The following BMAL1 variants were observed in gnomAD, a reference collection of about 807,000 sequenced individuals.
BMAL1 encodes basic helix-loop-helix ARNT-like protein 1.
chr11:13,294,584 A>G, the BMAL1 span, among the ~76,000 whole-genome samples: 1 of 152,238 alleles, frequency 6.6e-6, no homozygotes, highest in Non-Finnish European at 1.5e-5. Flanking sequence ...GGAACTTGTT[A>G]TAAAGATGAT....
the BMAL1 span, among the ~76,000 whole-genome samples, chr11:13,361,920 C>G: frequency 5.3e-5 from 8 of 152,176 alleles, no homozygotes; most frequent in African/African-American, 1.9e-4. Flanking sequence ...AAGGATACAC[C>G]TTCCTGAAAA....
At chr11:13,381,249 A>G in the BMAL1 span, 1 of 1,613,994 alleles carries the variant, frequency 6.2e-7, no homozygotes, top group Non-Finnish European at 8.5e-7. Context: ...TCCAGGAGGC[A>G]AGAAGGTAAG....
the BMAL1 span, chr11:13,369,515 A>C: frequency 2.2e-6 from 3 of 1,372,402 alleles, no homozygotes; most frequent in Non-Finnish European, 3.1e-6. Flanking sequence ...CATCATTATA[A>C]AACAGTGAGG....
At chr11:13,348,818 G>C in the BMAL1 span, among the ~76,000 whole-genome samples, 4 of 152,204 alleles carry the variant, frequency 2.6e-5, no homozygotes, top group African/African-American at 7.2e-5. Context: ...TGGGAGGCTG[G>C]AAGCAGTTGT....
At chr11:13,325,657 T>TGTGTGTG in the BMAL1 span, among the ~76,000 whole-genome samples, 1 of 134,412 alleles carries the variant, frequency 7.4e-6, no homozygotes, top group East Asian at 2.2e-4. Context: ...TTGAGACCTT[T>TGTGTGTG]TGTGTGTGTG....
chr11:13,371,850 C>T, the BMAL1 span, among the ~76,000 whole-genome samples: 1 of 152,184 alleles, frequency 6.6e-6, no homozygotes, highest in African/African-American at 2.4e-5. Flanking sequence ...CACTGCTCAT[C>T]CTTCTTGATC....
At chr11:13,284,248 A>ATGTGTGTG in the BMAL1 span, among the ~76,000 whole-genome samples, 3 of 23,714 alleles carry the variant, frequency 1.3e-4, no homozygotes, top group African/African-American at 5.9e-4. Context: ...ATATATATAT[A>ATGTGTGTG]TATATATATA....
At chr11:13,369,851 A>G in the BMAL1 span, 1 of 1,531,068 alleles carries the variant, frequency 6.5e-7, no homozygotes, top group South Asian at 1.3e-5. Flanking sequence ...CGTTGGTTCC[A>G]TGGTTTCTGG....
chr11:13,324,868 G>A, the BMAL1 span, among the ~76,000 whole-genome samples: 1 of 152,206 alleles, frequency 6.6e-6, no homozygotes, highest in Non-Finnish European at 1.5e-5. Flanking sequence ...TCTTTCAGGA[G>A]GTGAGTGACG....
the BMAL1 span, among the ~76,000 whole-genome samples, chr11:13,279,878 A>G: frequency 6.6e-6 from 1 of 152,160 alleles, no homozygotes; most frequent in Non-Finnish European, 1.5e-5. Flanking sequence ...TCTTTATTCA[A>G]CCCTCTGAAG....
At chr11:13,320,085 T>G in the BMAL1 span, among the ~76,000 whole-genome samples, 2 of 152,236 alleles carry the variant, frequency 1.3e-5, no homozygotes, top group African/African-American at 4.8e-5. Context: ...GTTTGAAACC[T>G]TAGCATTTGG....
At chr11:13,377,332 A>C in the BMAL1 span, among the ~76,000 whole-genome samples, 6 of 152,172 alleles carry the variant, frequency 3.9e-5, no homozygotes, top group Admixed American at 2.0e-4. Flanking sequence ...CCTGAAATTC[A>C]GAATATCCCA....
At chr11:13,375,646 C>T in the BMAL1 span, 1 of 1,588,084 alleles carries the variant, frequency 6.3e-7, no homozygotes, top group Admixed American at 1.9e-5. Context: ...CAACTAATTG[C>T]TATAAATTTA....
At chr11:13,354,514 T>C in the BMAL1 span, 11 of 1,568,442 alleles carry the variant, frequency 7.0e-6, no homozygotes, top group Non-Finnish European at 9.5e-6. Flanking sequence ...ATGGAACATC[T>C]AGCAGCCAGC....
the BMAL1 span, among the ~76,000 whole-genome samples, chr11:13,348,866 G>A: frequency 7.9e-4 from 120 of 152,308 alleles, no homozygotes; most frequent in Non-Finnish European, 1.5e-3. Context: ...TATAGCGATC[G>A]AGGCAAAGAT....
the BMAL1 span, among the ~76,000 whole-genome samples, chr11:13,361,376 C>T: frequency 6.6e-6 from 1 of 151,194 alleles, no homozygotes. Context: ...AGATTGTAAA[C>T]AGATGAATAG....
chr11:13,338,865 TA>T, the BMAL1 span, among the ~76,000 whole-genome samples: 1 of 152,226 alleles, frequency 6.6e-6, no homozygotes, highest in African/African-American at 2.4e-5. Context: ...TGATGCTCAG[TA>T]AACGGGACGT....
the BMAL1 span, among the ~76,000 whole-genome samples, chr11:13,368,365 C>T: frequency 6.6e-6 from 1 of 152,166 alleles, no homozygotes; most frequent in Non-Finnish European, 1.5e-5. Flanking sequence ...AAAGAGGAAA[C>T]AATCTGTGCA....
the BMAL1 span, among the ~76,000 whole-genome samples, chr11:13,338,767 T>C: frequency 4.5e-4 from 69 of 152,326 alleles, no homozygotes; most frequent in African/African-American, 1.5e-3. Flanking sequence ...CAGTGTCATC[T>C]TCTATGTGAT....
Sources: gnomAD v4.1 joint callset for allele counts (sites outside exome capture counted in the v4.1 genomes callset) on GRCh38, gnomAD v4.1.1 for gene constraint, MANE v1.5 for transcripts, NCBI Gene and HGNC (gene_info 2026-07-23, HGNC 2026-07-21) for gene names.